The following SORCS1 variants were observed in gnomAD, a reference collection of about 807,000 sequenced individuals.
SORCS1 encodes VPS10 domain-containing receptor SorCS1.
In SORCS1, 60 loss-of-function variants were observed where a neutral mutation model predicts 146.1. The ratio of observed to expected loss-of-function variants is 0.41; its 90% CI spans 0.33 to 0.51. The LOEUF is 0.51. SORCS1 is among the 20% of genes least tolerant of loss of function. SORCS1 has a pLI of 0.21. For missense variants in SORCS1, 1,352 were observed against 1,487.6 expected (o/e 0.91, Z 1.50); for synonymous variants, 637 against 584.0 (o/e 1.09, Z -1.31).
intron 1 of SORCS1, among the ~76,000 whole-genome samples, chr10:107,163,108 C>G (rs1199032067): frequency 6.6e-6 from 1 of 152,230 alleles, no homozygotes; most frequent in African/African-American, 2.4e-5. Context: ...CTGATAGGAC[C>G]AAAGCTCATG....
At chr10:106,827,437 G>A (rs932371054) in intron 3 of SORCS1, among the ~76,000 whole-genome samples, 3 of 152,116 alleles carry the variant, frequency 2.0e-5, no homozygotes, top group South Asian at 2.1e-4. Flanking sequence ...ATTACAAAAC[G>A]TCATGCCACA....
intron 9 of SORCS1, among the ~76,000 whole-genome samples, chr10:106,694,282 T>C (rs2135700206): frequency 6.6e-6 from 1 of 152,292 alleles, no homozygotes; most frequent in East Asian, 1.9e-4. Context: ...TTATTTTTCC[T>C]TTTTTGAGGA....
chr10:106,737,758 A>G (rs867513524), intron 5 of SORCS1, among the ~76,000 whole-genome samples: 13 of 151,006 alleles, frequency 8.6e-5, no homozygotes, highest in Non-Finnish European at 1.9e-4. Context: ...ACCAGGGACC[A>G]TGCTCAAATC....
chr10:107,022,269 T>C (rs937298539), intron 1 of SORCS1, among the ~76,000 whole-genome samples: 2 of 152,122 alleles, frequency 1.3e-5, no homozygotes, highest in African/African-American at 4.8e-5. Flanking sequence ...GTTAATTAAC[T>C]TGCATTCTCA....
At chr10:106,955,535 C>T (rs1033287691) in intron 2 of SORCS1, among the ~76,000 whole-genome samples, 13 of 152,136 alleles carry the variant, frequency 8.5e-5, no homozygotes, top group Admixed American at 1.3e-4. Flanking sequence ...CTCTGGCTGG[C>T]GAAGAGGCAC....
intron 1 of SORCS1, among the ~76,000 whole-genome samples, chr10:106,956,808 C>T (rs1954966326): frequency 6.6e-6 from 1 of 152,222 alleles, no homozygotes; most frequent in African/African-American, 2.4e-5. Context: ...CACCCTGCAG[C>T]AAGGGTTACC....
chr10:106,736,687 G>A (rs1055541549), intron 5 of SORCS1, among the ~76,000 whole-genome samples: 2 of 134,442 alleles, frequency 1.5e-5, no homozygotes, highest in Non-Finnish European at 3.3e-5. Flanking sequence ...GGTCTCGTCT[G>A]CGTCCAACAC....
At chr10:106,887,393 A>G (rs111655618) in intron 2 of SORCS1, among the ~76,000 whole-genome samples, 2 of 152,218 alleles carry the variant, frequency 1.3e-5, no homozygotes, top group African/African-American at 4.8e-5. Context: ...CAGTAATTTT[A>G]GATGGATTAG....
intron 2 of SORCS1, among the ~76,000 whole-genome samples, chr10:106,877,984 C>G (rs984105596): frequency 6.6e-6 from 1 of 152,068 alleles, no homozygotes; most frequent in Non-Finnish European, 1.5e-5. Context: ...AATCTCTACC[C>G]GATACTATCT....
intron 2 of SORCS1, among the ~76,000 whole-genome samples, chr10:106,830,020 T>C (rs1299577024): frequency 6.6e-6 from 1 of 152,238 alleles, no homozygotes; most frequent in African/African-American, 2.4e-5. Context: ...TCCAAACTTT[T>C]ACTTTATGTT....
At chr10:106,598,879 C>A (rs1188474401) in intron 23 of SORCS1, among the ~76,000 whole-genome samples, 3 of 152,184 alleles carry the variant, frequency 2.0e-5, no homozygotes, top group Non-Finnish European at 4.4e-5. Flanking sequence ...TCCTGAACAA[C>A]AGGAACAGAG....
At chr10:107,061,314 G>A (rs1961205757) in intron 1 of SORCS1, among the ~76,000 whole-genome samples, 1 of 151,962 alleles carries the variant, frequency 6.6e-6, no homozygotes, top group Non-Finnish European at 1.5e-5. Context: ...ACATTAGTAT[G>A]GTATCATAAC....
In SORCS1 at chr10:106,818,046, C is replaced by T. The variant is rs545210709; in HGVS notation, c.726+11528G>A. On this transcript the variant is annotated intron_variant, in intron 3 of 25. Coordinates refer to ENST00000263054, the MANE Select transcript of SORCS1 (RefSeq NM_052918.5). The stretch of plus-strand genomic sequence containing the variant: ...GATGGTAAACTCCGTAAGAGCAAAG[C>T]GAGGTTCATGTTTCTTTTATATTCA... Among the ~76,000 whole-genome samples, 7 of 152,276 alleles carry T rather than the reference C, an allele frequency of 4.6e-5. No individual in the cohort carries two copies. The South Asian group carries it at 8.3e-4, about 18-fold the overall frequency.
chr10:107,178,946 A>T, the SORCS1 span, among the ~76,000 whole-genome samples: 1 of 152,168 alleles, frequency 6.6e-6, no homozygotes, highest in African/African-American at 2.4e-5. Context: ...TATTCCTTTG[A>T]TATACTGATT....
intron 1 of SORCS1, among the ~76,000 whole-genome samples, chr10:107,104,126 T>C (rs1213582599): frequency 2.0e-5 from 3 of 150,944 alleles, no homozygotes; most frequent in Admixed American, 6.6e-5. Flanking sequence ...TTCAAGGAAA[T>C]GTACTGCCAG....
At chr10:106,949,025 T>C (rs1428013408) in intron 2 of SORCS1, among the ~76,000 whole-genome samples, 1 of 151,642 alleles carries the variant, frequency 6.6e-6, no homozygotes, top group Non-Finnish European at 1.5e-5. Context: ...GTGACACAAA[T>C]ATGGAATGGG....
At chr10:106,926,965 TAGAA>T (rs1047653144) in intron 2 of SORCS1, among the ~76,000 whole-genome samples, 1 of 151,750 alleles carries the variant, frequency 6.6e-6, no homozygotes, top group African/African-American at 2.4e-5. Flanking sequence ...GAAAAATAAA[TAGAA>T]AGAAAAACAA....
chr10:106,925,387 A>C (rs1952963236), intron 2 of SORCS1, among the ~76,000 whole-genome samples: 1 of 152,158 alleles, frequency 6.6e-6, no homozygotes, highest in African/African-American at 2.4e-5. Flanking sequence ...ACCCACACTT[A>C]ACTGGCTGTC....
intron 2 of SORCS1, among the ~76,000 whole-genome samples, chr10:106,924,648 T>A (rs960208379): frequency 2.0e-5 from 3 of 151,884 alleles, no homozygotes; most frequent in African/African-American, 7.3e-5. Flanking sequence ...TTGTCCACCA[T>A]CCTCACTTTC....
Sources: gnomAD v4.1 joint callset for allele counts (sites outside exome capture counted in the v4.1 genomes callset) on GRCh38, gnomAD v4.1.1 for gene constraint, MANE v1.5 for transcripts, NCBI Gene and HGNC (gene_info 2026-07-23, HGNC 2026-07-21) for gene names.